AKAP6: variants seen among roughly 807,000 people sequenced by gnomAD.
The protein encoded by AKAP6 is A-kinase anchor protein 6.
AKAP6 carries 58 observed loss-of-function variants against 188.5 expected under a neutral mutation model. The ratio of observed to expected loss-of-function variants is 0.31; its 90% confidence interval spans 0.25 to 0.38. AKAP6 has a LOEUF of 0.38. AKAP6 is among the 10% of genes least tolerant of loss of function. The pLI, the probability that AKAP6 is intolerant of heterozygous loss-of-function variation, is 1.00. For missense variants in AKAP6, 2,710 were observed against 2,740.0 expected, an observed-to-expected ratio of 0.99 and a Z score of 0.24; for synonymous variants, 989 against 998.6, an observed-to-expected ratio of 0.99 and a Z score of 0.18.
At chr14:32,507,924 A>G (rs1175847765) in intron 2 of AKAP6, among the ~76,000 whole-genome samples, 2 of 152,192 alleles carry the variant, frequency 1.3e-5, no homozygotes, top group African/African-American at 4.8e-5. Flanking sequence ...CTGGCAAGGT[A>G]GACTGGGAAG....
At position 32,497,465 on chromosome 14, in the gene AKAP6, T is replaced by C. The variant is rs529656155; in HGVS notation, c.325-38089T>C. ...ATTCAGTTGTGGTCAGAGAACATAC[T>C]TTTTATAAGTTGAATCTTTTAAAAT... is the stretch of plus-strand genomic sequence containing the variant. On this transcript the variant is annotated intron_variant, in intron 2 of 13. Coordinates refer to ENST00000280979, the MANE Select transcript of AKAP6 (RefSeq NM_004274.5). Among the ~76,000 whole-genome samples, 3 of 152,292 alleles carry C rather than the reference T, an allele frequency of 2.0e-5. No homozygotes were observed. In the East Asian group the frequency reaches 5.8e-4, roughly 29 times the overall value.
At chr14:32,612,201 G>GT (rs1365124314) in intron 7 of AKAP6, among the ~76,000 whole-genome samples, 1 of 152,080 alleles carries the variant, frequency 6.6e-6, no homozygotes, top group African/African-American at 2.4e-5. Flanking sequence ...TAAAACACCA[G>GT]TTTCATCGTG....
At chr14:32,387,342 AT>A (rs890944321) in intron 1 of AKAP6, among the ~76,000 whole-genome samples, 4 of 151,918 alleles carry the variant, frequency 2.6e-5, no homozygotes, top group Non-Finnish European at 5.9e-5. Flanking sequence ...AAGAGAAGTG[AT>A]GAGAGTAGGC....
At chr14:32,558,227 T>G (rs1012103625) in intron 4 of AKAP6, among the ~76,000 whole-genome samples, 2 of 152,212 alleles carry the variant, frequency 1.3e-5, no homozygotes, top group Non-Finnish European at 2.9e-5. Flanking sequence ...ACAAAAAGTA[T>G]AGAAGTTTAA....
At chr14:32,396,214 A>T (rs1594574325) in intron 1 of AKAP6, among the ~76,000 whole-genome samples, 1 of 152,216 alleles carries the variant, frequency 6.6e-6, no homozygotes, top group East Asian at 1.9e-4. Context: ...GATAAATTTC[A>T]CTCCAGACTG....
chr14:32,628,299 A>G (rs1301279909), intron 7 of AKAP6, among the ~76,000 whole-genome samples: 1 of 152,110 alleles, frequency 6.6e-6, no homozygotes, highest in Non-Finnish European at 1.5e-5. Context: ...TTTTATTTAA[A>G]TGATATTAAC....
Position 32,544,717 on chromosome 14 carries a change from A to G in AKAP6, c.577-513A>G, listed in dbSNP as rs543613613. The stretch of plus-strand genomic sequence containing the variant: ...TCAGTAGTTTACCTTCCTTTGATTC[A>G]TCAATATATGTTTAACACAACTGGC... On this transcript the variant is annotated intron_variant, in intron 3 of 13. Transcript: ENST00000280979. Among the ~76,000 whole-genome samples the G allele has an allele frequency of 1.3e-3, 198 of 152,338 alleles. 1 individual carries two copies. The highest frequency in any genetic ancestry group is 3.9e-3 in the African/African-American group (164 of 41,584).
At chr14:32,479,680 A>G (rs753033194) in intron 2 of AKAP6, among the ~76,000 whole-genome samples, 12 of 152,058 alleles carry the variant, frequency 7.9e-5, no homozygotes, top group African/African-American at 2.9e-4. Context: ...CTCCAAGGAG[A>G]TATATTAGAA....
intron 11 of AKAP6, among the ~76,000 whole-genome samples, chr14:32,737,347 T>C (rs2031476210): frequency 6.6e-6 from 1 of 152,180 alleles, no homozygotes; most frequent in Non-Finnish European, 1.5e-5. Flanking sequence ...TTACTCTTAG[T>C]GTTTGGTATA....
At chr14:32,686,633 G>A (rs573970397) in intron 8 of AKAP6, among the ~76,000 whole-genome samples, 1 of 152,150 alleles carries the variant, frequency 6.6e-6, no homozygotes, top group Non-Finnish European at 1.5e-5. Flanking sequence ...GTAGAAGAGG[G>A]ATATGTAGAG....
chr14:32,462,104 T>C (rs1360091908), intron 2 of AKAP6, among the ~76,000 whole-genome samples: 2 of 152,104 alleles, frequency 1.3e-5, no homozygotes, highest in Non-Finnish European at 2.9e-5. Context: ...CTATGATTGA[T>C]TGGTGTACCT....
At chr14:32,709,224 C>T (rs1890939030) in intron 9 of AKAP6, among the ~76,000 whole-genome samples, 1 of 152,080 alleles carries the variant, frequency 6.6e-6, no homozygotes, top group East Asian at 1.9e-4. Context: ...TGCCAGAAAT[C>T]TCATGTGACA....
chr14:32,793,690 C>T (rs1311111724), intron 12 of AKAP6, among the ~76,000 whole-genome samples: 1 of 151,906 alleles, frequency 6.6e-6, no homozygotes, highest in African/African-American at 2.4e-5. Context: ...TAGATATCTA[C>T]AGAACTTTCC....
At chr14:32,405,590 C>T (rs1889261849) in intron 1 of AKAP6, among the ~76,000 whole-genome samples, 1 of 152,116 alleles carries the variant, frequency 6.6e-6, no homozygotes, top group Admixed American at 6.6e-5. Flanking sequence ...TGTGTCCCCA[C>T]CCAAAATCTC....
At chr14:32,405,990 C>T (rs916560453) in intron 1 of AKAP6, among the ~76,000 whole-genome samples, 6 of 152,100 alleles carry the variant, frequency 3.9e-5, no homozygotes, top group African/African-American at 9.7e-5. Flanking sequence ...TTCAGTTCTT[C>T]CTTTTGAAAA....
chr14:32,450,335 A>C (rs1890896345), intron 2 of AKAP6, among the ~76,000 whole-genome samples: 1 of 151,984 alleles, frequency 6.6e-6, no homozygotes, highest in Non-Finnish European at 1.5e-5. Flanking sequence ...AGAGAGAGAG[A>C]GAGAGAGGGA....
intron 1 of AKAP6, among the ~76,000 whole-genome samples, chr14:32,413,042 G>A (rs778812273): frequency 5.3e-5 from 8 of 152,092 alleles, no homozygotes; most frequent in Admixed American, 6.6e-5. Flanking sequence ...AGGTCCTTAA[G>A]AGTGGAGATA....
chr14:32,637,836 G>C (rs1887570864), intron 7 of AKAP6, among the ~76,000 whole-genome samples: 1 of 151,938 alleles, frequency 6.6e-6, no homozygotes, highest in Admixed American at 6.6e-5. Context: ...GAATGGTGTA[G>C]GTCATCGGAA....
chr14:32,829,617 T>TAA (rs34458249), intron 13 of AKAP6, among the ~76,000 whole-genome samples: 9,754 of 147,408 alleles, frequency 0.066, 354 homozygotes, highest in South Asian at 0.14. Context: ...CACGTCTTTT[T>TAA]AAAAAAAAAA....
Sources: gnomAD v4.1 joint callset for allele counts (sites outside exome capture counted in the v4.1 genomes callset) on GRCh38, gnomAD v4.1.1 for gene constraint, MANE v1.5 for transcripts, NCBI Gene and HGNC (gene_info 2026-07-23, HGNC 2026-07-21) for gene names.